Variants in VDAC1 observed in about 807,000 individuals in gnomAD.
The protein encoded by VDAC1 is voltage dependent anion channel 1.
Under a neutral mutation model 34.7 loss-of-function variants are expected in VDAC1, and 10 were observed. The observed-to-expected ratio is 0.29, with a 90% CI of 0.18 to 0.49. The LOEUF is 0.49. Among genes scored for constraint, VDAC1 ranks in the 20% least tolerant of loss-of-function variants. The probability of loss-of-function intolerance (pLI) is 0.99; values close to 1 mark genes in which losing one functional copy is unlikely to be tolerated. For synonymous variants in VDAC1, 130 were observed against 136.0 expected, an observed-to-expected ratio of 0.96 and a Z score of 0.30; for missense variants, 230 against 347.9, an observed-to-expected ratio of 0.66 and a Z score of 2.69.
At chr5:134,022,998 CATTCT>C in the VDAC1 span, among the ~76,000 whole-genome samples, 1 of 152,156 alleles carries the variant, frequency 6.6e-6, no homozygotes, top group Admixed American at 6.5e-5. Flanking sequence ...GATTATAAAT[CATTCT>C]ACTATAAAGA....
chr5:134,011,659 A>G, the VDAC1 span, among the ~76,000 whole-genome samples: 3 of 112,006 alleles, frequency 2.7e-5, no homozygotes, highest in East Asian at 2.5e-4. Flanking sequence ...TTTTTTTTTT[A>G]GACAGAGTTT....
At chr5:134,085,076 C>CTTTTCT in the VDAC1 span, among the ~76,000 whole-genome samples, 106,074 of 145,710 alleles carry the variant, frequency 0.73, 40,252 homozygotes, top group Non-Finnish European at 0.86. Flanking sequence ...TTTTTCTTTT[C>CTTTTCT]TTTTTTTTTT....
At chr5:133,991,931 A>C (rs1336110272) in intron 3 of VDAC1, among the ~76,000 whole-genome samples, 2 of 152,108 alleles carry the variant, frequency 1.3e-5, no homozygotes, top group African/African-American at 4.8e-5. Flanking sequence ...CCTGAATCTA[A>C]AATCTTTTTT....
At chr5:134,025,588 C>CTTAT in the VDAC1 span, among the ~76,000 whole-genome samples, 6 of 151,572 alleles carry the variant, frequency 4.0e-5, no homozygotes, top group East Asian at 2.0e-4. Flanking sequence ...CTCCCTCTCT[C>CTTAT]TTATTTATTT....
chr5:134,071,915 T>C, the VDAC1 span, among the ~76,000 whole-genome samples: 1 of 152,054 alleles, frequency 6.6e-6, no homozygotes. The surrounding 1 kb of genome is among the most constrained non-coding windows in gnomAD (Gnocchi z 4.1). Context: ...CTGTACATGC[T>C]CCTCTGTGGT....
chr5:134,014,160 G>A, the VDAC1 span, among the ~76,000 whole-genome samples: 4 of 151,646 alleles, frequency 2.6e-5, no homozygotes, highest in Non-Finnish European at 5.9e-5. Flanking sequence ...GTGGTGGCAC[G>A]CGCTTGTAAT....
At chr5:134,028,055 G>A in the VDAC1 span, among the ~76,000 whole-genome samples, 8 of 151,654 alleles carry the variant, frequency 5.3e-5, no homozygotes, top group African/African-American at 1.9e-4. Flanking sequence ...ACAGGCATGA[G>A]CCACTGTGCC....
intron 5 of VDAC1, among the ~76,000 whole-genome samples, chr5:133,987,796 AG>A (rs1752961298): frequency 6.6e-6 from 1 of 152,256 alleles, no homozygotes; most frequent in Non-Finnish European, 1.5e-5. Context: ...AGAGAAAAAT[AG>A]TAGCTTTACA....
At chr5:134,059,071 G>A in the VDAC1 span, among the ~76,000 whole-genome samples, 12 of 152,344 alleles carry the variant, frequency 7.9e-5, no homozygotes, top group East Asian at 1.3e-3. Context: ...ACCCATGGTC[G>A]GCAACAGGCC....
chr5:134,077,000 C>T, the VDAC1 span, among the ~76,000 whole-genome samples: 3 of 152,114 alleles, frequency 2.0e-5, 1 homozygote, highest in Non-Finnish European at 4.4e-5. Context: ...TTAAGAAGTC[C>T]AAGCACGGTA....
the VDAC1 span, among the ~76,000 whole-genome samples, chr5:134,092,669 C>G: frequency 1.3e-5 from 2 of 149,100 alleles, no homozygotes; most frequent in Non-Finnish European, 3.0e-5. Context: ...GTGCAAGATT[C>G]CGTCTCAAAA....
the VDAC1 span, among the ~76,000 whole-genome samples, chr5:134,106,916 G>A: frequency 1.3e-5 from 2 of 152,140 alleles, no homozygotes; most frequent in Non-Finnish European, 2.9e-5. Context: ...CCTGTGAGGG[G>A]TGGCTGGCTT....
At chr5:134,032,284 G>C in the VDAC1 span, among the ~76,000 whole-genome samples, 1 of 152,236 alleles carries the variant, frequency 6.6e-6, no homozygotes, top group East Asian at 1.9e-4. Flanking sequence ...CTTGGTTCTG[G>C]TCAAGTTAAA....
the VDAC1 span, among the ~76,000 whole-genome samples, chr5:134,089,698 G>C: frequency 8.8e-6 from 1 of 114,228 alleles, no homozygotes; most frequent in Admixed American, 9.6e-5. Context: ...GGCCGGGTGC[G>C]GTGGCTCATG....
chr5:133,975,797 A>G (rs775686956), intron 7 of VDAC1, 74 bp downstream of exon 7: 2 of 1,584,434 alleles, frequency 1.3e-6, no homozygotes, highest in Non-Finnish European at 1.7e-6. Flanking sequence ...ACAGCACTCC[A>G]GCAAACCTGA....
At chr5:133,973,981 G>T (rs1752388701) in intron 7 of VDAC1, 133 bp from the exon 8 acceptor site, 2 of 710,884 alleles carry the variant, frequency 2.8e-6, no homozygotes, top group Non-Finnish European at 4.8e-6. Context: ...CCTTGTTCAT[G>T]AGATTCATTA....
At chr5:134,066,912 T>C in the VDAC1 span, among the ~76,000 whole-genome samples, 11 of 152,290 alleles carry the variant, frequency 7.2e-5, no homozygotes, top group African/African-American at 2.6e-4. Context: ...TTAAATCTGC[T>C]TGGCAAAAAA....
At chr5:134,017,424 C>G in the VDAC1 span, among the ~76,000 whole-genome samples, 1 of 152,032 alleles carries the variant, frequency 6.6e-6, no homozygotes, top group Non-Finnish European at 1.5e-5. Flanking sequence ...CCATCGCACT[C>G]CAGCCTGGGC....
At chr5:134,094,604 G>A in the VDAC1 span, among the ~76,000 whole-genome samples, 1 of 149,092 alleles carries the variant, frequency 6.7e-6, no homozygotes. Flanking sequence ...GGCTGAGGTA[G>A]GAGAATGGCG....
Sources: allele counts gnomAD v4.1 joint callset (sites outside exome capture counted in the v4.1 genomes callset), GRCh38; gene constraint gnomAD v4.1.1; non-coding constraint Gnocchi (gnomAD v3.1); transcripts MANE v1.5; gene names NCBI Gene and HGNC (gene_info 2026-07-23, HGNC 2026-07-21).